The following ACVR1 variants were observed in gnomAD, a reference collection of about 807,000 sequenced individuals.
The protein encoded by ACVR1 is activin receptor type-1.
Under a neutral mutation model 57.1 loss-of-function variants are expected in ACVR1, and 38 were observed. That is an observed-to-expected ratio of 0.67 (90% CI 0.51 to 0.87). The LOEUF (loss-of-function observed/expected upper bound fraction) is 0.87. Ranked by LOEUF, ACVR1 falls within the 40% of genes least tolerant of loss-of-function variation. The pLI, the probability that ACVR1 is intolerant of heterozygous loss-of-function variation, is 0.00. For synonymous variants in ACVR1, 212 were observed against 228.1 expected (o/e 0.93, Z 0.63); for missense variants, 463 against 638.2 (o/e 0.73, Z 2.96).
chr2:157,844,287 G>A (rs953328000), intron 1 of ACVR1, among the ~76,000 whole-genome samples: 1 of 152,162 alleles, frequency 6.6e-6, no homozygotes, highest in Non-Finnish European at 1.5e-5. Context: ...AAATTCCCAA[G>A]TAACAGTGAC....
At chr2:157,873,083 C>T (rs898593573) in intron 1 of ACVR1, among the ~76,000 whole-genome samples, 2 of 152,124 alleles carry the variant, frequency 1.3e-5, no homozygotes, top group African/African-American at 2.4e-5. Context: ...TCTTTAGGTT[C>T]TTTTCTTTAA....
chr2:157,855,308 G>GTA (rs1200907209), intron 1 of ACVR1, among the ~76,000 whole-genome samples: 31 of 51,656 alleles, frequency 6.0e-4, no homozygotes, highest in Admixed American at 8.9e-4. Flanking sequence ...GTGTGTGTGT[G>GTA]TATATATATA....
chr2:157,872,019 C>T (rs1690129349), intron 1 of ACVR1, among the ~76,000 whole-genome samples: 1 of 152,280 alleles, frequency 6.6e-6, no homozygotes, highest in Admixed American at 6.5e-5. Context: ...CAAGCAAGAG[C>T]ATTCTATGGC....
intron 1 of ACVR1, among the ~76,000 whole-genome samples, chr2:157,858,669 G>A (rs1429184744): frequency 6.6e-6 from 1 of 151,996 alleles, no homozygotes; most frequent in African/African-American, 2.4e-5. Context: ...TTTTTGTCGA[G>A]ACGGGGTTTC....
chr2:157,796,237 A>T (rs1005659088), intron 3 of ACVR1, among the ~76,000 whole-genome samples: 69 of 151,628 alleles, frequency 4.6e-4, no homozygotes, highest in African/African-American at 1.6e-3. Context: ...AAAAAAAAAA[A>T]AATTAAAAGG....
intron 9 of ACVR1, among the ~76,000 whole-genome samples, chr2:157,738,830 C>T (rs1684639697): frequency 6.6e-6 from 1 of 152,204 alleles, no homozygotes; most frequent in Non-Finnish European, 1.5e-5. Flanking sequence ...GTAATCATAA[C>T]TATTAGCAAA....
intron 8 of ACVR1, among the ~76,000 whole-genome samples, chr2:157,764,454 C>G (rs1028063570): frequency 1.3e-5 from 2 of 151,166 alleles, no homozygotes; most frequent in African/African-American, 4.9e-5. Flanking sequence ...GTGATCCTTC[C>G]GCCTCGGCCT....
intron 5 of ACVR1, 36 bp downstream of exon 5, chr2:157,778,095 C>G: frequency 6.2e-7 from 1 of 1,608,108 alleles, no homozygotes. Flanking sequence ...AGACACCTTC[C>G]TTATGCTTGG....
intron 7 of ACVR1, among the ~76,000 whole-genome samples, chr2:157,768,220 G>C (rs1238359859): frequency 2.6e-5 from 4 of 152,028 alleles, no homozygotes; most frequent in East Asian, 1.9e-4. Flanking sequence ...CTGCTCCCCA[G>C]TCTGCTTTTC....
In ACVR1 at chr2:157,746,549, A is replaced by G. The variant is rs375829107; in HGVS notation, c.1265-7979T>C. ...GCACATCATGCTAATGTATCCAACC[A>G]AATTGGTGTTTGTCTATTCAATCTG... On this transcript the variant is annotated intron_variant, in intron 9 of 10. Transcript: ENST00000434821. Among the ~76,000 whole-genome samples, 30 of 152,354 alleles carry G rather than the reference A, an allele frequency of 2.0e-4. 1 individual carries two copies. The highest frequency in any genetic ancestry group is 7.2e-4 in the African/African-American group (30 of 41,586).
At chr2:157,750,752 G>GA (rs796887861) in intron 9 of ACVR1, among the ~76,000 whole-genome samples, 1 of 151,852 alleles carries the variant, frequency 6.6e-6, no homozygotes, top group East Asian at 1.9e-4. Context: ...TTCCAATGAA[G>GA]AAAAAATAGG....
intron 2 of ACVR1, among the ~76,000 whole-genome samples, chr2:157,810,061 G>C (rs548762218): frequency 4.1e-4 from 62 of 152,286 alleles, no homozygotes; most frequent in African/African-American, 1.1e-3. Flanking sequence ...AGGTGACACA[G>C]TGAGACCCTA....
intron 1 of ACVR1, among the ~76,000 whole-genome samples, chr2:157,834,323 CCTCAGGTGAT>C: frequency 6.6e-6 from 1 of 152,160 alleles, no homozygotes; most frequent in African/African-American, 2.4e-5. Flanking sequence ...GATCTCCTGA[CCTCAGGTGAT>C]CTGCCTGCCT....
chr2:157,787,032 G>GAA (rs954203460), intron 3 of ACVR1, among the ~76,000 whole-genome samples: 1 of 143,556 alleles, frequency 7.0e-6, no homozygotes, highest in African/African-American at 2.5e-5. Context: ...CTGAAGCTGA[G>GAA]AAAAAAAAAA....
intron 1 of ACVR1, among the ~76,000 whole-genome samples, chr2:157,858,289 C>T (rs561918174): frequency 6.6e-6 from 1 of 152,216 alleles, no homozygotes; most frequent in Admixed American, 6.5e-5. Flanking sequence ...ACTCTTCTCT[C>T]AAGGTCCTTC....
At chr2:157,760,843 T>C in intron 9 of ACVR1, 37 bp downstream of exon 9, 5 of 1,601,120 alleles carry the variant, frequency 3.1e-6, no homozygotes, top group Non-Finnish European at 4.3e-6. Context: ...CAAGAGAACT[T>C]GGATTAAGAC....
At chr2:157,776,710 G>T (rs989397975) in intron 5 of ACVR1, among the ~76,000 whole-genome samples, 8 of 152,176 alleles carry the variant, frequency 5.3e-5, no homozygotes, top group Non-Finnish European at 1.2e-4. Flanking sequence ...GGTGGGTCCT[G>T]CAATTGTCCA....
chr2:157,860,914 T>A (rs34836683), intron 1 of ACVR1, among the ~76,000 whole-genome samples: 1 of 152,174 alleles, frequency 6.6e-6, no homozygotes, highest in Non-Finnish European at 1.5e-5. Context: ...CCAGCAGGAT[T>A]TGAGGTAAGC....
intron 9 of ACVR1, among the ~76,000 whole-genome samples, chr2:157,749,845 T>C (rs57706872): frequency 0.012 from 1,889 of 152,220 alleles, 50 homozygotes; most frequent in African/African-American, 0.043. Flanking sequence ...AGGGATCAAC[T>C]TGCTCCACCC....
Sources: allele counts gnomAD v4.1 joint callset (sites outside exome capture counted in the v4.1 genomes callset), GRCh38; gene constraint gnomAD v4.1.1; transcripts MANE v1.5; gene names NCBI Gene and HGNC (gene_info 2026-07-23, HGNC 2026-07-21).